RBPJ: variants seen among roughly 807,000 people sequenced by gnomAD.
RBPJ encodes the protein recombining binding protein suppressor of hairless.
Under a neutral mutation model 67.8 loss-of-function variants are expected in RBPJ, and 9 were observed. The ratio of observed to expected loss-of-function variants is 0.13; its 90% CI spans 0.08 to 0.23. RBPJ has a LOEUF of 0.23. Ranked by LOEUF, RBPJ falls within the 10% of genes least tolerant of loss-of-function variation. The pLI, the probability that RBPJ is intolerant of heterozygous loss-of-function variation, is 1.00. For synonymous variants in RBPJ, 198 were observed against 203.3 expected (o/e 0.97, Z 0.22); for missense variants, 305 against 595.6 (o/e 0.51, Z 5.08).
intron 1 of RBPJ, among the ~76,000 whole-genome samples, chr4:26,341,096 C>T (rs967912938): frequency 1.3e-5 from 2 of 152,124 alleles, no homozygotes; most frequent in Non-Finnish European, 2.9e-5. Context: ...AAGCCATAAT[C>T]ATCAAGATCT....
the RBPJ span, among the ~76,000 whole-genome samples, chr4:26,116,503 C>A: frequency 1.3e-5 from 2 of 152,230 alleles, no homozygotes; most frequent in Non-Finnish European, 2.9e-5. Flanking sequence ...AAAGTCCGCC[C>A]AGCAGTTTCT....
rs201774776 is a variant in RBPJ, at chr4:26,244,283, A to G, written c.-167+80669A>G. ...CATATGTGTACACATATATGTGTGT[A>G]TATGTATACACATATGTGTACACAT... is the stretch of plus-strand genomic sequence containing the variant. On this transcript the variant is annotated intron_variant, in intron 1 of 4. Coordinates refer to the RBPJ transcript ENST00000512351. 7.4e-3 allele frequency among the ~76,000 whole-genome samples: 901 copies of G among 121,646 alleles called. 25 individuals carry two copies. The highest frequency in any genetic ancestry group is 0.023 in the Admixed American group (236 of 10,226). The allele number at this position is 121,646 out of a possible 152,430, so 79.8% of individuals were successfully genotyped here.
chr4:26,399,877 C>T (rs1732586847), intron 2 of RBPJ, among the ~76,000 whole-genome samples: 2 of 152,040 alleles, frequency 1.3e-5, no homozygotes, highest in African/African-American at 4.8e-5. Context: ...TGGGGTTTCA[C>T]TATGTTGGCC....
chr4:26,154,524 G>A, the RBPJ span, among the ~76,000 whole-genome samples: 1 of 152,200 alleles, frequency 6.6e-6, no homozygotes, highest in African/African-American at 2.4e-5. Flanking sequence ...GGTCCCAGAT[G>A]GAAGTGCTAT....
chr4:26,314,349 A>G (rs1235694708), intron 1 of RBPJ, among the ~76,000 whole-genome samples: 3 of 152,158 alleles, frequency 2.0e-5, no homozygotes, highest in Non-Finnish European at 2.9e-5. Flanking sequence ...GGGCATATTC[A>G]TAGGATAAAC....
intron 1 of RBPJ, among the ~76,000 whole-genome samples, chr4:26,197,239 C>G (rs1239746942): frequency 6.6e-6 from 1 of 152,184 alleles, no homozygotes; most frequent in Non-Finnish European, 1.5e-5. Flanking sequence ...ATAAGATCTA[C>G]TCAGCACTTG....
At chr4:26,407,883 CTTTTTTTTTT>C (rs61575988) in intron 3 of RBPJ, among the ~76,000 whole-genome samples, 945 of 63,696 alleles carry the variant, frequency 0.015, 9 homozygotes, top group Non-Finnish European at 0.022. Flanking sequence ...AGCTTTCTTT[CTTTTTTTTTT>C]TTTTTTTTTT....
chr4:26,163,100 G>A (rs893849140), upstream of RBPJ, among the ~76,000 whole-genome samples: 3 of 151,984 alleles, frequency 2.0e-5, no homozygotes, highest in African/African-American at 7.3e-5. Flanking sequence ...CCTCACCTAG[G>A]ATTTGGGGTA....
intron 1 of RBPJ, among the ~76,000 whole-genome samples, chr4:26,289,455 T>C (rs563373090): frequency 1.3e-5 from 2 of 148,654 alleles, no homozygotes; most frequent in Admixed American, 6.7e-5. Flanking sequence ...AATGATCATA[T>C]TACAACACTT....
intron 1 of RBPJ, chr4:26,321,535 C>T (rs982714270): frequency 1.3e-5 from 2 of 152,716 alleles, no homozygotes; most frequent in African/African-American, 4.8e-5. Context: ...CCCGCATCCC[C>T]TCTCCATCTC....
intron 1 of RBPJ, among the ~76,000 whole-genome samples, chr4:26,311,538 CAA>C (rs758416652): frequency 5.6e-5 from 7 of 124,580 alleles, no homozygotes; most frequent in Admixed American, 8.3e-5. Context: ...GACTCGGTCT[CAA>C]AAAAAAAAAA....
chr4:26,305,771 C>CTTTTTTTTTTTTTTTTTTTTTT lies in RBPJ; in HGVS notation c.-166-56673_-166-56652dup, dbSNP rs71276617. On this transcript the variant is annotated intron_variant, in intron 1 of 4. Transcript: ENST00000512351. ...AGTGGAGTTCTTAGAATTTTCTTTTCTTTTTTTTTTTTTTTTTTTTTTTCT... is the reference window on the plus strand; with the variant it reads ...AGTGGAGTTCTTAGAATTTTCTTTTCTTTTTTTTTTTTTTTTTTTTTTTTTTTTTTTTTTTTTTTTTTTTTCT... 1.3e-4 allele frequency among the ~76,000 whole-genome samples: 9 copies of CTTTTTTTTTTTTTTTTTTTTTT among 67,758 alleles called. 4 individuals are homozygous for CTTTTTTTTTTTTTTTTTTTTTT. Among genetic ancestry groups the CTTTTTTTTTTTTTTTTTTTTTT allele is most frequent in the East Asian group, 1.2e-3 (2 of 1,646 alleles). The allele number at this position is 67,758 out of a possible 152,430, so 44.5% of individuals were successfully genotyped here. A position where few individuals can be genotyped will look rare whatever the true frequency, so the allele number is the denominator to read the frequency against.
At chr4:26,149,323 A>C in the RBPJ span, among the ~76,000 whole-genome samples, 2 of 152,192 alleles carry the variant, frequency 1.3e-5, no homozygotes, top group East Asian at 3.9e-4. Context: ...AGTGGAGGGC[A>C]ATTTATTACT....
At chr4:26,426,250 A>C (rs1313359769) in intron 7 of RBPJ, among the ~76,000 whole-genome samples, 1 of 152,196 alleles carries the variant, frequency 6.6e-6, no homozygotes, top group African/African-American at 2.4e-5. Context: ...CTTGTACTGC[A>C]GAAGCACAAC....
the RBPJ span, among the ~76,000 whole-genome samples, chr4:26,135,664 C>T: frequency 2.0e-5 from 3 of 152,108 alleles, no homozygotes; most frequent in African/African-American, 7.2e-5. Context: ...ACCTAAAAGG[C>T]CTGGCTAGGT....
chr4:26,320,825 C>A, upstream of RBPJ: 1 of 1,560,476 alleles, frequency 6.4e-7, no homozygotes, highest in East Asian at 2.4e-5. Context: ...GGTAGGTTTC[C>A]AGGGAAGGCA....
chr4:26,256,271 G>A (rs1287080723), intron 1 of RBPJ, among the ~76,000 whole-genome samples: 3 of 150,090 alleles, frequency 2.0e-5, no homozygotes, highest in Admixed American at 6.6e-5. Context: ...AATGGAATAG[G>A]AGAATCTCTG....
intron 7 of RBPJ, chr4:26,428,499 A>T: frequency 2.3e-6 from 1 of 430,054 alleles, no homozygotes; most frequent in South Asian, 4.4e-5. Flanking sequence ...ATGTTCAGGG[A>T]AGAGGGTAAC....
intron 1 of RBPJ, among the ~76,000 whole-genome samples, chr4:26,229,959 C>T (rs1050950938): frequency 5.3e-5 from 8 of 152,072 alleles, no homozygotes; most frequent in South Asian, 2.1e-4. Flanking sequence ...GAGGCCAAGG[C>T]GGGAAAACGG....
Sources: gnomAD v4.1 joint callset for allele counts (sites outside exome capture counted in the v4.1 genomes callset) on GRCh38, gnomAD v4.1.1 for gene constraint, MANE v1.5 for transcripts, NCBI Gene and HGNC (gene_info 2026-07-23, HGNC 2026-07-21) for gene names.